PLPPR1: variants seen among roughly 807,000 people sequenced by gnomAD.
PLPPR1 encodes the protein phospholipid phosphatase-related protein type 1.
In PLPPR1, 10 loss-of-function variants were observed where a neutral mutation model predicts 33.1. The ratio of observed to expected loss-of-function variants is 0.30; its 90% CI spans 0.19 to 0.51. The LOEUF is 0.51. PLPPR1 is among the 20% of genes least tolerant of loss of function. The pLI is 0.97. For synonymous variants in PLPPR1, 151 were observed against 151.0 expected, an observed-to-expected ratio of 1.00 and a Z score of 0.00; for missense variants, 304 against 408.1, an observed-to-expected ratio of 0.74 and a Z score of 2.20.
chr9:101,083,190 A>C (rs911999346), intron 1 of PLPPR1, among the ~76,000 whole-genome samples: 1 of 151,712 alleles, frequency 6.6e-6, no homozygotes, highest in Non-Finnish European at 1.5e-5. Context: ...ATCGAGTCTC[A>C]CTCTGTTACC....
intron 2 of PLPPR1, among the ~76,000 whole-genome samples, chr9:101,205,673 C>T (rs1826575780): frequency 6.6e-6 from 1 of 152,136 alleles, no homozygotes; most frequent in African/African-American, 2.4e-5. Flanking sequence ...GACTAGCCTG[C>T]AACCTTAAAA....
At chr9:101,127,439 G>T (rs1029784331) in intron 1 of PLPPR1, among the ~76,000 whole-genome samples, 3 of 152,232 alleles carry the variant, frequency 2.0e-5, no homozygotes, top group Non-Finnish European at 4.4e-5. Context: ...GCTATTTATT[G>T]GTAATCCAAC....
chr9:101,305,220 C>T (rs754682515), intron 4 of PLPPR1, among the ~76,000 whole-genome samples: 3 of 151,130 alleles, frequency 2.0e-5, no homozygotes, highest in Admixed American at 6.6e-5. Context: ...TGTGTGTGTG[C>T]GTGCATGTGT....
At chr9:101,165,264 C>G (rs1825838886) in intron 1 of PLPPR1, among the ~76,000 whole-genome samples, 1 of 152,144 alleles carries the variant, frequency 6.6e-6, no homozygotes, top group Admixed American at 6.5e-5. Context: ...CTCACTCTGT[C>G]ATTGACATAA....
At chr9:101,311,861 C>A (rs75647800) in intron 5 of PLPPR1, among the ~76,000 whole-genome samples, 7,449 of 152,124 alleles carry the variant, frequency 0.049, 561 homozygotes, top group African/African-American at 0.16. Flanking sequence ...AATGATAGAC[C>A]AATGGTGCCC....
At chr9:101,264,190 T>A (rs547358557) in intron 2 of PLPPR1, among the ~76,000 whole-genome samples, 1 of 152,282 alleles carries the variant, frequency 6.6e-6, no homozygotes, top group South Asian at 2.1e-4. Context: ...ATCCTTAAAG[T>A]GTGCTATTCC....
intron 6 of PLPPR1, among the ~76,000 whole-genome samples, chr9:101,313,325 T>C (rs58085889): frequency 6.6e-6 from 1 of 152,100 alleles, no homozygotes; most frequent in African/African-American, 2.4e-5. Context: ...CTCAGCATAT[T>C]GGGGGCAAAA....
In PLPPR1 at chr9:101,325,070, T is replaced by C. The variant is rs1564040673; in HGVS notation, c.*1013T>C. On this transcript the variant is annotated 3_prime_UTR_variant, in exon 8 of 8. Transcript: ENST00000374874. Reference sequence around the variant, plus strand: ...GTTTTCTTGACACTTCCATGTTGGCTCTTCTCAGCTTTTTTTGTACATATT... The same window carrying C: ...GTTTTCTTGACACTTCCATGTTGGCCCTTCTCAGCTTTTTTTGTACATATT... The C allele has an allele frequency of 1.3e-5, 2 of 152,242 alleles. No homozygotes were observed. Among genetic ancestry groups the C allele is most frequent in the African/African-American group, 2.4e-5 (1 of 41,440 alleles). 9.4% of individuals were successfully genotyped at this position (152,242 alleles called of 1,614,324 possible). A position where few individuals can be genotyped will look rare whatever the true frequency, so the allele number is the denominator to read the frequency against.
At chr9:101,082,026 C>G (rs1830625406) in intron 1 of PLPPR1, among the ~76,000 whole-genome samples, 1 of 152,200 alleles carries the variant, frequency 6.6e-6, no homozygotes, top group Non-Finnish European at 1.5e-5. Flanking sequence ...GAAGAGTTGT[C>G]CCTGAGATCA....
chr9:101,234,408 G>A (rs1827252876), intron 2 of PLPPR1, among the ~76,000 whole-genome samples: 1 of 151,724 alleles, frequency 6.6e-6, no homozygotes, highest in Non-Finnish European at 1.5e-5. Context: ...CTATCTCAAT[G>A]GCTTCCCACC....
At chr9:101,096,245 G>A (rs929914359) in intron 1 of PLPPR1, among the ~76,000 whole-genome samples, 1 of 152,162 alleles carries the variant, frequency 6.6e-6, no homozygotes, top group African/African-American at 2.4e-5. Context: ...GGGCCTGGGG[G>A]CCATAGAGGA....
chr9:101,150,303 T>C (rs1831565579), intron 1 of PLPPR1, among the ~76,000 whole-genome samples: 1 of 152,148 alleles, frequency 6.6e-6, no homozygotes, highest in Non-Finnish European at 1.5e-5. Flanking sequence ...AATCCAATTT[T>C]TCTTCTTTTC....
intron 6 of PLPPR1, 78 bp downstream of exon 6, chr9:101,313,052 C>T (rs753355432): frequency 3.7e-5 from 48 of 1,295,634 alleles, no homozygotes; most frequent in South Asian, 2.9e-4. Context: ...TCCCAGACTT[C>T]ACCATCTGTG....
intron 1 of PLPPR1, among the ~76,000 whole-genome samples, chr9:101,036,503 G>A (rs780840535): frequency 6.6e-6 from 1 of 152,104 alleles, no homozygotes; most frequent in Non-Finnish European, 1.5e-5. Flanking sequence ...AAATTTACAT[G>A]TAGTTATTAC....
intron 4 of PLPPR1, among the ~76,000 whole-genome samples, chr9:101,298,677 A>G (rs1393314165): frequency 6.6e-6 from 1 of 152,120 alleles, no homozygotes; most frequent in Non-Finnish European, 1.5e-5. Flanking sequence ...GTCATTGAGC[A>G]CCTACTAGAT....
rs888023592 is a variant in PLPPR1, at chr9:101,301,275, C to A, written c.386-7936C>A. Reference sequence around the variant, plus strand: ...GTCAAATATTTGTTTCAGGTTGTTACAATTGTAGGTTTCTTATATCTTTCC... The same window carrying A: ...GTCAAATATTTGTTTCAGGTTGTTAAAATTGTAGGTTTCTTATATCTTTCC... On this transcript the variant is annotated intron_variant, in intron 4 of 7. Coordinates refer to ENST00000374874, the MANE Select transcript of PLPPR1 (RefSeq NM_207299.2). 2.0e-5 allele frequency among the ~76,000 whole-genome samples: 3 copies of A among 152,084 alleles called. No individual in the cohort carries two copies. The East Asian group carries it at 5.8e-4, about 29-fold the overall frequency.
chr9:101,133,499 C>A (rs1476691237), intron 1 of PLPPR1, among the ~76,000 whole-genome samples: 1 of 152,126 alleles, frequency 6.6e-6, no homozygotes, highest in East Asian at 1.9e-4. Context: ...AACTTAAACT[C>A]CAATCACTTT....
intron 2 of PLPPR1, among the ~76,000 whole-genome samples, chr9:101,256,006 C>T (rs2118872480): frequency 6.6e-6 from 1 of 152,226 alleles, no homozygotes; most frequent in South Asian, 2.1e-4. Flanking sequence ...TTGAGATGAC[C>T]TTACAGCAGT....
chr9:101,164,145 G>A (rs1825814188), intron 1 of PLPPR1, among the ~76,000 whole-genome samples: 1 of 152,050 alleles, frequency 6.6e-6, no homozygotes, highest in Non-Finnish European at 1.5e-5. Flanking sequence ...CAGAGAAGAA[G>A]TTGATGTGGT....
Sources: allele counts gnomAD v4.1 joint callset (sites outside exome capture counted in the v4.1 genomes callset), GRCh38; gene constraint gnomAD v4.1.1; transcripts MANE v1.5; gene names NCBI Gene and HGNC (gene_info 2026-07-23, HGNC 2026-07-21).